The following CCDC141 variants were observed in gnomAD, a reference collection of about 807,000 sequenced individuals.
CCDC141 encodes the protein coiled-coil domain containing 141.
In CCDC141, 168 loss-of-function variants were observed where a neutral mutation model predicts 181.0. The ratio of observed to expected loss-of-function variants is 0.93; its 90% CI spans 0.82 to 1.05. CCDC141 has a LOEUF of 1.05. Ranked by LOEUF, CCDC141 falls within the 50% of genes least tolerant of loss-of-function variation. The probability of loss-of-function intolerance (pLI) is 0.00; values close to 1 mark genes in which losing one functional copy is unlikely to be tolerated. For missense variants in CCDC141, 1,902 were observed against 1,788.5 expected, an observed-to-expected ratio of 1.06 and a Z score of -1.14; for synonymous variants, 666 against 642.3, an observed-to-expected ratio of 1.04 and a Z score of -0.56.
intron 6 of CCDC141, among the ~76,000 whole-genome samples, chr2:178,923,666 C>G (rs1318214794): frequency 1.3e-5 from 2 of 152,178 alleles, no homozygotes; most frequent in African/African-American, 4.8e-5. Flanking sequence ...TTCAATTTGA[C>G]AGAGATGCGT....
intron 6 of CCDC141, among the ~76,000 whole-genome samples, chr2:178,937,909 C>T (rs1441506376): frequency 6.6e-6 from 1 of 151,982 alleles, no homozygotes; most frequent in Non-Finnish European, 1.5e-5. Context: ...TGGTAACATT[C>T]CCTTCATTAT....
intron 22 of CCDC141, among the ~76,000 whole-genome samples, chr2:178,845,033 G>A (rs189197932): frequency 9.2e-5 from 14 of 152,228 alleles, no homozygotes; most frequent in East Asian, 7.7e-4. Context: ...ATCTGTAGTC[G>A]TTACATGCTT....
At chr2:178,969,725 T>C (rs1348246318) in intron 4 of CCDC141, among the ~76,000 whole-genome samples, 1 of 152,172 alleles carries the variant, frequency 6.6e-6, no homozygotes, top group Non-Finnish European at 1.5e-5. Flanking sequence ...AAGACAAAGA[T>C]GTCCTCTCTC....
At chr2:178,957,608 A>T (rs1690215709) in intron 5 of CCDC141, among the ~76,000 whole-genome samples, 1 of 152,262 alleles carries the variant, frequency 6.6e-6, no homozygotes, top group African/African-American at 2.4e-5. Context: ...TCACATAAAA[A>T]GCTGCACATG....
intron 8 of CCDC141, 25 bp downstream of exon 8, chr2:178,905,304 T>G: frequency 6.5e-7 from 1 of 1,527,378 alleles, no homozygotes; most frequent in Non-Finnish European, 8.8e-7. Context: ...CTTGTTACAC[T>G]GAGAAAGAAA....
intron 2 of CCDC141, among the ~76,000 whole-genome samples, chr2:179,004,520 T>A (rs990796364): frequency 6.6e-6 from 1 of 152,184 alleles, no homozygotes; most frequent in African/African-American, 2.4e-5. Context: ...TGTATTTGAA[T>A]TAATAAATAC....
chr2:178,985,060 T>G (rs1379223029), intron 2 of CCDC141, among the ~76,000 whole-genome samples: 1 of 151,314 alleles, frequency 6.6e-6, no homozygotes, highest in African/African-American at 2.4e-5. Flanking sequence ...GACCACATAC[T>G]TGGAAGTAAA....
Position 178,874,309 on chromosome 2 carries a change from G to C in CCDC141, c.1900-1997C>G, listed in dbSNP as rs914254561. ...GGAGGAACTTATTTATCATATGATA[G>C]TGGTAAAGACCTTAGGGTAGAGTGA... On this transcript the variant is annotated intron_variant, in intron 12 of 23. Transcript: ENST00000443758. The C allele has an allele frequency of 4.6e-5, 7 of 152,164 alleles. No homozygotes were observed. In the East Asian group the frequency reaches 1.3e-3, roughly 29 times the overall value. 9.4% of individuals were successfully genotyped at this position (152,164 alleles called of 1,614,324 possible).
chr2:178,827,422 T>A (rs181290968), downstream of CCDC141, among the ~76,000 whole-genome samples: 620 of 152,270 alleles, frequency 4.1e-3, 3 homozygotes, highest in African/African-American at 0.014. Flanking sequence ...AGTAATCCCA[T>A]TTTTTGAACT....
chr2:178,894,965 C>A (rs35596070), intron 8 of CCDC141, among the ~76,000 whole-genome samples: 18,992 of 152,064 alleles, frequency 0.12, 1,231 homozygotes, highest in African/African-American at 0.14. Context: ...ATAAAAATAT[C>A]TTTTAATGTA....
Position 178,831,415 on chromosome 2 carries a change from C to G in CCDC141, c.*2758G>C, listed in dbSNP as rs1490721584. The G allele has an allele frequency of 6.6e-6, 1 of 152,036 alleles. No individual in the cohort carries two copies. The highest frequency in any genetic ancestry group is 1.5e-5 in the Non-Finnish European group (1 of 68,000). The allele number at this position is 152,036 out of a possible 1,614,324, so 9.4% of individuals were successfully genotyped here. A position where few individuals can be genotyped will look rare whatever the true frequency, so the allele number is the denominator to read the frequency against. ...CTTGAGTTTAATTTTCACCAGAAAACCTGCTAGACAAATTCTAAAAGAGCT... is the reference window on the plus strand; with the variant it reads ...CTTGAGTTTAATTTTCACCAGAAAAGCTGCTAGACAAATTCTAAAAGAGCT... On this transcript the variant is annotated 3_prime_UTR_variant, in exon 24 of 24. Coordinates refer to ENST00000443758, the MANE Select transcript of CCDC141 (RefSeq NM_173648.4).
chr2:179,041,900 C>A (rs1432122217), intron 2 of CCDC141, among the ~76,000 whole-genome samples: 1 of 152,020 alleles, frequency 6.6e-6, no homozygotes, highest in African/African-American at 2.4e-5. Context: ...ACAGGAGTAC[C>A]CAGATTCATA....
At chr2:178,853,649 A>C in intron 19 of CCDC141, 25 bp from the exon 20 acceptor site, 1 of 1,580,742 alleles carries the variant, frequency 6.3e-7, no homozygotes, top group East Asian at 2.3e-5. Flanking sequence ...GATAAAGCAC[A>C]GATGAAAGAA....
intron 2 of CCDC141, among the ~76,000 whole-genome samples, chr2:179,015,249 A>G (rs1227698642): frequency 2.2e-5 from 3 of 134,486 alleles, no homozygotes; most frequent in Non-Finnish European, 4.7e-5. Flanking sequence ...TATCTCATAT[A>G]TATCTCATAT....
At position 178,834,051 on chromosome 2, in the gene CCDC141, G is replaced by T; in HGVS notation, c.*122C>A. 1 of 999,038 alleles carries T rather than the reference G, an allele frequency of 1.0e-6. No individual in the cohort carries two copies. The highest frequency in any genetic ancestry group is 1.5e-6 in the Non-Finnish European group (1 of 688,882). 61.9% of individuals were successfully genotyped at this position (999,038 alleles called of 1,614,324 possible). A position where few individuals can be genotyped will look rare whatever the true frequency, so the allele number is the denominator to read the frequency against. On this transcript the variant is annotated 3_prime_UTR_variant, in exon 24 of 24. Transcript: ENST00000443758. ...CCTAGCAGTGGTATTAGCCAAACAA[G>T]TATGGTGATCAGACTGGAGATACAC...
intron 2 of CCDC141, among the ~76,000 whole-genome samples, chr2:178,998,393 T>C (rs1402485757): frequency 6.6e-6 from 1 of 152,182 alleles, no homozygotes; most frequent in Non-Finnish European, 1.5e-5. Context: ...TTCAAATATC[T>C]CTTAAGTATA....
intron 12 of CCDC141, chr2:178,874,655 C>T (rs1686276023): frequency 6.6e-6 from 1 of 152,260 alleles, no homozygotes; most frequent in African/African-American, 2.4e-5. Context: ...AAGCAGAGAA[C>T]TGGTCGGACA....
chr2:179,042,759 T>A (rs957467654), intron 2 of CCDC141, among the ~76,000 whole-genome samples: 2 of 152,042 alleles, frequency 1.3e-5, no homozygotes, highest in African/African-American at 4.8e-5. Context: ...GCCGACATCA[T>A]AAAGCTAGAA....
Position 179,024,024 on chromosome 2 carries a change from G to A in CCDC141, c.225+23260C>T, listed in dbSNP as rs112984269. 8.0e-3 allele frequency among the ~76,000 whole-genome samples: 1,226 copies of A among 152,302 alleles called. 18 individuals carry two copies. Among genetic ancestry groups the A allele is most frequent in the African/African-American group, 0.027 (1,127 of 41,556 alleles). Reference sequence around the variant, plus strand: ...GAGGAAACACAGTAGAGAAAGACAGGCCCGGCTTAGGTGAGGGCAAAGCTC... The same window carrying A: ...GAGGAAACACAGTAGAGAAAGACAGACCCGGCTTAGGTGAGGGCAAAGCTC... On this transcript the variant is annotated intron_variant, in intron 2 of 23. Transcript: ENST00000443758.
Sources: allele counts gnomAD v4.1 joint callset (sites outside exome capture counted in the v4.1 genomes callset), GRCh38; gene constraint gnomAD v4.1.1; transcripts MANE v1.5; gene names NCBI Gene and HGNC (gene_info 2026-07-23, HGNC 2026-07-21).